XKR4: variants seen among roughly 807,000 people sequenced by gnomAD.
The protein encoded by XKR4 is XK related 4.
XKR4 carries 12 observed loss-of-function variants against 53.9 expected under a neutral mutation model. The observed-to-expected ratio is 0.22, with a 90% confidence interval of 0.14 to 0.36. The LOEUF is 0.36. Ranked by LOEUF, XKR4 falls within the 10% of genes least tolerant of loss-of-function variation. The pLI, the probability that XKR4 is intolerant of heterozygous loss-of-function variation, is 1.00. For missense variants in XKR4, 799 were observed against 859.5 expected (o/e 0.93, Z 0.88); for synonymous variants, 354 against 362.4 (o/e 0.98, Z 0.26).
chr8:55,214,958 T>C (rs181863480), intron 1 of XKR4, among the ~76,000 whole-genome samples: 11 of 152,328 alleles, frequency 7.2e-5, no homozygotes, highest in Admixed American at 2.6e-4. Context: ...GGTATGTGTC[T>C]TTAGCAACAT....
chr8:55,443,870 A>G (rs1805308835), intron 2 of XKR4, among the ~76,000 whole-genome samples: 1 of 151,506 alleles, frequency 6.6e-6, no homozygotes, highest in Admixed American at 6.6e-5. Context: ...AAAAGAAAAA[A>G]AAAGAAAAAA....
chr8:55,482,501 C>T (rs1806125804), intron 2 of XKR4, among the ~76,000 whole-genome samples: 1 of 151,928 alleles, frequency 6.6e-6, no homozygotes, highest in African/African-American at 2.4e-5. Context: ...ACATATGTAA[C>T]AAACCTGCAC....
At chr8:55,429,922 G>A (rs1805074659) in intron 2 of XKR4, among the ~76,000 whole-genome samples, 1 of 151,934 alleles carries the variant, frequency 6.6e-6, no homozygotes, top group Non-Finnish European at 1.5e-5. Flanking sequence ...AATATAAAGA[G>A]CTCTCAAAAC....
chr8:55,500,724 G>A (rs902356843), intron 2 of XKR4, among the ~76,000 whole-genome samples: 1 of 152,152 alleles, frequency 6.6e-6, no homozygotes, highest in Non-Finnish European at 1.5e-5. Flanking sequence ...ACAGGGACAC[G>A]CTAGGTGCTT....
intron 1 of XKR4, among the ~76,000 whole-genome samples, chr8:55,155,496 C>A (rs1816894677): frequency 6.9e-6 from 1 of 145,132 alleles, no homozygotes; most frequent in South Asian, 2.2e-4. Context: ...GTTGTAAAAA[C>A]AGGAACGTCA....
At chr8:55,107,798 T>G (rs1041046465) in intron 1 of XKR4, among the ~76,000 whole-genome samples, 3 of 152,176 alleles carry the variant, frequency 2.0e-5, no homozygotes, top group African/African-American at 7.2e-5. Context: ...TGATATAGAT[T>G]AGGCAAGATT....
chr8:55,368,650 T>C (rs965704074), intron 2 of XKR4, among the ~76,000 whole-genome samples: 2 of 152,224 alleles, frequency 1.3e-5, no homozygotes, highest in African/African-American at 4.8e-5. Flanking sequence ...TGAAATTCTA[T>C]TCATCCCTAT....
At chr8:55,302,075 C>T (rs1369281799) in intron 1 of XKR4, among the ~76,000 whole-genome samples, 3 of 152,046 alleles carry the variant, frequency 2.0e-5, no homozygotes, top group Non-Finnish European at 4.4e-5. Flanking sequence ...TTGCCCATGC[C>T]TATGTCCTGA....
At chr8:55,380,930 T>C (rs1457829322) in intron 2 of XKR4, among the ~76,000 whole-genome samples, 2 of 152,376 alleles carry the variant, frequency 1.3e-5, no homozygotes, top group African/African-American at 2.4e-5. Flanking sequence ...AGTAAAACCA[T>C]GTTTATTTCA....
intron 1 of XKR4, among the ~76,000 whole-genome samples, chr8:55,356,703 G>A (rs76266321): frequency 0.07 from 10,699 of 152,172 alleles, 1,082 homozygotes; most frequent in African/African-American, 0.22. Flanking sequence ...TTGGTGACAG[G>A]ACGTAAGTGG....
intron 1 of XKR4, among the ~76,000 whole-genome samples, chr8:55,243,860 T>C (rs1447586306): frequency 6.6e-6 from 1 of 152,204 alleles, no homozygotes; most frequent in Non-Finnish European, 1.5e-5. Flanking sequence ...CCCTGCATGG[T>C]AGCGATGAAG....
Position 55,102,404 on chromosome 8 carries a change from G to GGGCGA in XKR4, c.-77_-73dup. ...GCCGCACCGCCTGGGAGGGAAGCCG[G>GGGCGA]GGCGAGGCGAGGAGGTGGCGGGAGG... is the stretch of plus-strand genomic sequence containing the variant. On this transcript the variant is annotated 5_prime_UTR_variant, in exon 1 of 3. Coordinates refer to ENST00000327381, the MANE Select transcript of XKR4 (RefSeq NM_052898.2). The surrounding 1 kb of genome is among the most constrained non-coding windows in gnomAD (Gnocchi z 5.1). 1 of 1,429,344 alleles carries GGGCGA rather than the reference G, an allele frequency of 7.0e-7. No homozygotes were observed. Among genetic ancestry groups the GGGCGA allele is most frequent in the Non-Finnish European group, 9.3e-7 (1 of 1,076,524 alleles). 88.5% of individuals were successfully genotyped at this position (1,429,344 alleles called of 1,614,324 possible). A position where few individuals can be genotyped will look rare whatever the true frequency, so the allele number is the denominator to read the frequency against.
intron 1 of XKR4, among the ~76,000 whole-genome samples, chr8:55,325,033 T>C (rs1476989124): frequency 6.6e-6 from 1 of 152,244 alleles, no homozygotes; most frequent in African/African-American, 2.4e-5. Flanking sequence ...GAGTCTTCTA[T>C]TTCTTTTACA....
rs150626813 is a variant in XKR4 at position 55,232,720 on chromosome 8, G to T, written c.807-124958G>T. On this transcript the variant is annotated intron_variant, in intron 1 of 2. Transcript: ENST00000327381. ...TTATAATGTATCAAACTCTCAGGAT[G>T]ATTTTCCTCCCTATTCTTAAGACAG... is the stretch of plus-strand genomic sequence containing the variant. 2.6e-4 allele frequency among the ~76,000 whole-genome samples: 39 copies of T among 152,294 alleles called. No homozygotes were observed. In the East Asian group the frequency reaches 7.1e-3, roughly 28 times the overall value.
rs1806855730 is a variant in XKR4 at position 55,524,599 on chromosome 8, CAT to C, written c.*374_*375del. 1 of 202,988 alleles carries C rather than the reference CAT, an allele frequency of 4.9e-6. No homozygotes were observed. Among genetic ancestry groups the C allele is most frequent in the Non-Finnish European group, 1.0e-5 (1 of 100,002 alleles). 12.6% of individuals were successfully genotyped at this position (202,988 alleles called of 1,614,324 possible). ...ATCTTTCCATAAAAATAGATTCAGT[CAT>C]ACACACATACACACACTAACACACA... On this transcript the variant is annotated 3_prime_UTR_variant, in exon 3 of 3. Transcript: ENST00000327381.
intron 1 of XKR4, among the ~76,000 whole-genome samples, chr8:55,197,072 T>C (rs763652879): frequency 6.6e-6 from 1 of 152,150 alleles, no homozygotes; most frequent in Non-Finnish European, 1.5e-5. Flanking sequence ...AATAATCTGC[T>C]AGTTATGGAT....
At chr8:55,371,457 G>C (rs775271073) in intron 2 of XKR4, among the ~76,000 whole-genome samples, 73 of 152,106 alleles carry the variant, frequency 4.8e-4, no homozygotes, top group Non-Finnish European at 7.6e-4. Context: ...CTATTTTCCT[G>C]TATTTCTGAC....
At position 55,535,313 on chromosome 8, in the gene XKR4, T is replaced by C. The variant is rs570945377; in HGVS notation, c.*11086T>C. On this transcript the variant is annotated 3_prime_UTR_variant, in exon 3 of 3. Transcript: ENST00000327381. Reference sequence around the variant, plus strand: ...CATATGTATACATGTGCCATGTTGGTGTGCTGTACCTATTAACTCGTCATT... The same window carrying C: ...CATATGTATACATGTGCCATGTTGGCGTGCTGTACCTATTAACTCGTCATT... The C allele has an allele frequency of 1.3e-5, 2 of 152,010 alleles. No homozygotes were observed. The highest frequency in any genetic ancestry group is 3.9e-4 in the East Asian group (2 of 5,166). The allele number at this position is 152,010 out of a possible 1,614,324, so 9.4% of individuals were successfully genotyped here. A position where few individuals can be genotyped will look rare whatever the true frequency, so the allele number is the denominator to read the frequency against.
chr8:55,117,827 A>G lies in XKR4; in HGVS notation c.806+14533A>G, dbSNP rs1230333864. 3.3e-5 allele frequency among the ~76,000 whole-genome samples: 5 copies of G among 152,218 alleles called. No individual in the cohort carries two copies. The East Asian group carries it at 9.6e-4, about 29-fold the overall frequency. On this transcript the variant is annotated intron_variant, in intron 1 of 2. Transcript: ENST00000327381. The stretch of plus-strand genomic sequence containing the variant: ...TGTGCTAAAAATGGTAATGAGTTCA[A>G]TGTTACCATAATATCAATGAGAACT...
Sources: gnomAD v4.1 joint callset for allele counts (sites outside exome capture counted in the v4.1 genomes callset) on GRCh38, gnomAD v4.1.1 for gene constraint, Gnocchi (gnomAD v3.1) non-coding constraint, MANE v1.5 for transcripts, NCBI Gene and HGNC (gene_info 2026-07-23, HGNC 2026-07-21) for gene names.